The following CASZ1 variants were observed in gnomAD, a reference collection of about 807,000 sequenced individuals.
CASZ1 encodes castor zinc finger 1.
CASZ1 carries 28 observed loss-of-function variants against 135.2 expected under a neutral mutation model. The ratio of observed to expected loss-of-function variants is 0.21; its 90% CI spans 0.15 to 0.28. CASZ1 has a LOEUF of 0.28. CASZ1 is among the 10% of genes least tolerant of loss of function. CASZ1 has a pLI of 1.00. For missense variants in CASZ1, 2,161 were observed against 2,453.3 expected, an observed-to-expected ratio of 0.88 and a Z score of 2.52; for synonymous variants, 1,068 against 1,073.4, an observed-to-expected ratio of 0.99 and a Z score of 0.10.
intron 8 of CASZ1, among the ~76,000 whole-genome samples, chr1:10,656,035 C>T (rs1180757615): frequency 1.3e-5 from 2 of 152,206 alleles, no homozygotes; most frequent in East Asian, 3.9e-4. Context: ...TTCCCCGATG[C>T]TCCCCTAGGT....
chr1:10,658,586 G>A lies in CASZ1; in HGVS notation c.1341-10C>T, dbSNP rs779121841. Reference sequence around the variant, plus strand: ...TGTGGGCAGTCCGTTCCTGGCAAGAGACACACAGGGCACAGCCGGTGAGCA... The same window carrying A: ...TGTGGGCAGTCCGTTCCTGGCAAGAAACACACAGGGCACAGCCGGTGAGCA... On this transcript the variant is annotated splice_polypyrimidine_tract_variant and intron_variant, in intron 6 of 20. Transcript: ENST00000377022. The A allele has an allele frequency of 5.6e-6, 9 of 1,613,452 alleles. No homozygotes were observed. The South Asian group carries it at 9.9e-5, about 18-fold the overall frequency.
In CASZ1 at chr1:10,707,846, G is replaced by A. The variant is rs1467939000; in HGVS notation, c.-76-2302C>T. 6.6e-6 allele frequency among the ~76,000 whole-genome samples: 1 copy of A among 152,188 alleles called. No individual in the cohort carries two copies. Among genetic ancestry groups the A allele is most frequent in the East Asian group, 1.9e-4 (1 of 5,202 alleles). On this transcript the variant is annotated intron_variant, in intron 2 of 20. Transcript: ENST00000377022. The surrounding 1 kb of genome is among the most constrained non-coding windows in gnomAD (Gnocchi z 5.0). ...GCACATCTGGGACCTGGTAGCTGAC[G>A]TAGTTAAGGAAGGATTCTCCAAGGC...
chr1:10,656,114 C>T (rs767431247), intron 8 of CASZ1, among the ~76,000 whole-genome samples: 26 of 152,356 alleles, frequency 1.7e-4, no homozygotes, highest in Non-Finnish European at 3.2e-4. Context: ...GGCTCTGATG[C>T]TGACAGCTCA....
chr1:10,775,527 C>A (rs1465946593), intron 1 of CASZ1, among the ~76,000 whole-genome samples: 6 of 152,152 alleles, frequency 3.9e-5, no homozygotes, highest in Admixed American at 3.9e-4. Context: ...GAAGGTGGGA[C>A]CTCAGCTGGG....
At position 10,642,175 on chromosome 1, in the gene CASZ1, G is replaced by A. The variant is rs531981655; in HGVS notation, c.4162+684C>T. The A allele has an allele frequency of 7.3e-4, 96 of 132,142 alleles. 1 individual carries two copies. Among genetic ancestry groups the A allele is most frequent in the Admixed American group, 5.2e-4 (7 of 13,342 alleles). The allele number at this position is 132,142 out of a possible 1,614,324, so 8.2% of individuals were successfully genotyped here. A position where few individuals can be genotyped will look rare whatever the true frequency, so the allele number is the denominator to read the frequency against. On this transcript the variant is annotated intron_variant, in intron 20 of 20. Coordinates refer to ENST00000377022, the MANE Select transcript of CASZ1 (RefSeq NM_001079843.3). Reference sequence around the variant, plus strand: ...CAGAGAGTATGAGAGACAGGACGGAGAGAAGAGGCAGGGGAGGGGGGGGAG... The same window carrying A: ...CAGAGAGTATGAGAGACAGGACGGAAAGAAGAGGCAGGGGAGGGGGGGGAG...
intron 4 of CASZ1, among the ~76,000 whole-genome samples, chr1:10,668,324 C>G (rs888240061): frequency 6.6e-6 from 1 of 152,196 alleles, no homozygotes; most frequent in African/African-American, 2.4e-5. Flanking sequence ...AAAATATAAA[C>G]GCCGTGGCCA....
In CASZ1 at chr1:10,745,135, G is replaced by A. The variant is rs116173047; in HGVS notation, c.-77+15566C>T. On this transcript the variant is annotated intron_variant, in intron 2 of 20. Transcript: ENST00000377022. ...GCTCCTAAGTGGGACTGGGAGGACCGATCCCCAAAAGCTTCACCCTCTGCC... is the reference window on the plus strand; with the variant it reads ...GCTCCTAAGTGGGACTGGGAGGACCAATCCCCAAAAGCTTCACCCTCTGCC... 4.7e-3 allele frequency among the ~76,000 whole-genome samples: 716 copies of A among 152,244 alleles called. 2 individuals carry two copies. Among genetic ancestry groups the A allele is most frequent in the South Asian group, 0.02 (98 of 4,814 alleles).
rs1240944237 is a variant in CASZ1, at chr1:10,653,816, G to A, written c.2241C>T (p.Ser747=). ...SLSASPTSQQ[S]SASLAAATAA... ...CAGTGGCGGCAGCCAGGGACGCAGAGGACTGCTGGCTGGTAGGGGAGGCGC... is the reference window on the plus strand; with the variant it reads ...CAGTGGCGGCAGCCAGGGACGCAGAAGACTGCTGGCTGGTAGGGGAGGCGC... The change falls in exon 11 of 21, where the codon TCC becomes TCT. Residue 747 remains serine (S), a synonymous_variant. Transcript: ENST00000377022. 2 of 1,609,294 alleles carry A rather than the reference G, an allele frequency of 1.2e-6. No individual in the cohort carries two copies. The highest frequency in any genetic ancestry group is 8.5e-7 in the Non-Finnish European group (1 of 1,177,202).
chr1:10,729,391 G>A (rs1411688967), intron 2 of CASZ1, among the ~76,000 whole-genome samples: 4 of 145,736 alleles, frequency 2.7e-5, no homozygotes, highest in African/African-American at 1.0e-4. Flanking sequence ...CCCTCTCCCC[G>A]GCCACCCCAT....
intron 1 of CASZ1, among the ~76,000 whole-genome samples, chr1:10,789,720 C>T (rs1408013515): frequency 6.6e-6 from 1 of 152,032 alleles, no homozygotes; most frequent in Non-Finnish European, 1.5e-5. Context: ...TCTCTTCTTC[C>T]TTCTCCCTGG....
In CASZ1 at chr1:10,647,777, C is replaced by T. The variant is rs531305219; in HGVS notation, c.3497+24G>A. The T allele has an allele frequency of 6.2e-7, 1 of 1,612,612 alleles. No homozygotes were observed. The highest frequency in any genetic ancestry group is 8.5e-7 in the Non-Finnish European group (1 of 1,180,008). Reference sequence around the variant, plus strand: ...CCCGAGACGCGAGGGGAACGCGGGACTCCCGGCTCATCGAGGGACTCACTT... The same window carrying T: ...CCCGAGACGCGAGGGGAACGCGGGATTCCCGGCTCATCGAGGGACTCACTT... On this transcript the variant is annotated intron_variant, in intron 16 of 20. Transcript: ENST00000377022. The surrounding 1 kb of genome is among the most constrained non-coding windows in gnomAD (Gnocchi z 4.9).
Position 10,639,156 on chromosome 1 carries a change from G to T in CASZ1, c.5066C>A (p.Ala1689Asp). 5.6e-6 allele frequency: 6 copies of T among 1,077,836 alleles called. No homozygotes were observed. The highest frequency in any genetic ancestry group is 3.0e-5 in the South Asian group (1 of 33,294). 66.8% of individuals were successfully genotyped at this position (1,077,836 alleles called of 1,614,324 possible). Residue 1689 changes from alanine (A) to aspartate (D), a missense_variant, in exon 21 of 21, where the codon GCC becomes GAC. Physicochemically the swap from Ala to Asp is moderately radical, Grantham distance 126 (BLOSUM62 -2). This residue lies in a region of CASZ1 where 185 missense variants were observed against 134.7 expected (regional missense o/e 1.37). Transcript: ENST00000377022. This position sits in a 1 kb window ranked among gnomAD's most constrained non-coding sequence, Gnocchi z 4.0. ...GTCGTCCTCGTCCTCGTCGTCTTCG[G>T]CCTCCTCCTCCGGCAGCTCCAGCTC... Reference protein sequence around the residue: ...EEELELPEEEAEDDEDEDDDE... With the variant: ...EEELELPEEEDEDDEDEDDDE...
intron 4 of CASZ1, among the ~76,000 whole-genome samples, chr1:10,677,424 C>A (rs1298205150): frequency 6.6e-6 from 1 of 152,108 alleles, no homozygotes; most frequent in Non-Finnish European, 1.5e-5. Context: ...AACAGGGAAG[C>A]AGCTGCTCGT....
chr1:10,761,102 G>A (rs1053927912), intron 1 of CASZ1, among the ~76,000 whole-genome samples: 1 of 152,262 alleles, frequency 6.6e-6, no homozygotes, highest in Non-Finnish European at 1.5e-5. Flanking sequence ...CGCAGTTGTT[G>A]TACCTAATAA....
intron 1 of CASZ1, among the ~76,000 whole-genome samples, chr1:10,779,366 C>A (rs1640721213): frequency 6.7e-6 from 1 of 148,590 alleles, no homozygotes; most frequent in Non-Finnish European, 1.5e-5. Flanking sequence ...AACACGAAGG[C>A]TGAGTCACCG....
At chr1:10,785,316 A>G (rs576553398) in intron 1 of CASZ1, among the ~76,000 whole-genome samples, 1 of 115,272 alleles carries the variant, frequency 8.7e-6, no homozygotes, top group Non-Finnish European at 1.8e-5. Context: ...CCCTTTCTTC[A>G]TTTCTTTCTT....
intron 2 of CASZ1, among the ~76,000 whole-genome samples, chr1:10,714,042 C>T (rs1476813411): frequency 6.6e-6 from 1 of 152,222 alleles, no homozygotes; most frequent in African/African-American, 2.4e-5. Context: ...CGTGGTGGCT[C>T]ACACCTGTAA....
At chr1:10,738,063 C>T (rs754917731) in intron 2 of CASZ1, among the ~76,000 whole-genome samples, 6 of 151,702 alleles carry the variant, frequency 4.0e-5, no homozygotes, top group South Asian at 2.1e-4. Flanking sequence ...GTCCCTCCTT[C>T]GTGGAGTTTA....
Position 10,665,097 on chromosome 1 carries a change from G to C in CASZ1, c.491C>G (p.Thr164Ser). 2 of 1,506,818 alleles carry C rather than the reference G, an allele frequency of 1.3e-6. No individual in the cohort carries two copies. Among genetic ancestry groups the C allele is most frequent in the Non-Finnish European group, 8.9e-7 (1 of 1,127,700 alleles). The allele number at this position is 1,506,818 out of a possible 1,614,324, so 93.3% of individuals were successfully genotyped here. A position where few individuals can be genotyped will look rare whatever the true frequency, so the allele number is the denominator to read the frequency against. ...CAGGCACCCACCTGAAGCCTGCCTG[G>C]TGCTGGGGCCGCTGTCCTCCTTGGA... is the stretch of plus-strand genomic sequence containing the variant. The part of the protein sequence containing the change: ...AASKEDSGPS[T>S]RQASGEASSL... Residue 164 changes from threonine (T) to serine (S), a missense_variant, in exon 5 of 21, where the codon ACC (threonine) becomes AGC (serine). Thr to Ser is a moderately conservative substitution (Grantham distance 58). Around this residue, in one of 7 missense-constraint regions of CASZ1, gnomAD observed 590 missense variants for 609.8 expected, o/e 0.97. Transcript: ENST00000377022.
Sources: gnomAD v4.1 joint callset for allele counts (sites outside exome capture counted in the v4.1 genomes callset) on GRCh38, gnomAD v4.1.1 for gene constraint, gnomAD v4.1.1 regional missense constraint, Gnocchi (gnomAD v3.1) non-coding constraint, MANE v1.5 for transcripts, NCBI Gene and HGNC (gene_info 2026-07-23, HGNC 2026-07-21) for gene names.